Variants in DPP6 observed in about 807,000 individuals in gnomAD.
DPP6 encodes the protein A-type potassium channel modulatory protein DPP6.
DPP6 carries 69 observed loss-of-function variants against 122.6 expected under a neutral mutation model. That is an observed-to-expected ratio of 0.56 (90% CI 0.46 to 0.69). The LOEUF (loss-of-function observed/expected upper bound fraction) is 0.69. Among genes scored for constraint, DPP6 ranks in the 30% least tolerant of loss-of-function variants. The probability of loss-of-function intolerance (pLI) is 0.00; values close to 1 mark genes in which losing one functional copy is unlikely to be tolerated. For missense variants in DPP6, 928 were observed against 1,116.9 expected (o/e 0.83, Z 2.41); for synonymous variants, 418 against 433.1 (o/e 0.97, Z 0.43).
At chr7:154,293,912 C>T (rs140173064) in intron 1 of DPP6, among the ~76,000 whole-genome samples, 181 of 152,236 alleles carry the variant, frequency 1.2e-3, no homozygotes, top group African/African-American at 4.2e-3. Flanking sequence ...GTGTGCTAAG[C>T]GCACACAGGA....
chr7:154,377,384 A>G (rs150096781), intron 1 of DPP6, among the ~76,000 whole-genome samples: 235 of 152,314 alleles, frequency 1.5e-3, no homozygotes, highest in African/African-American at 5.5e-3. Context: ...AGGCAGGACC[A>G]GTATCGTACC....
intron 1 of DPP6, among the ~76,000 whole-genome samples, chr7:154,111,807 C>G (rs1459597361): frequency 6.6e-6 from 1 of 152,098 alleles, no homozygotes; most frequent in Non-Finnish European, 1.5e-5. Flanking sequence ...ATGACTAACT[C>G]TTAGATTGGA....
intron 1 of DPP6, among the ~76,000 whole-genome samples, chr7:154,279,668 G>A (rs1050851675): frequency 3.3e-5 from 5 of 152,216 alleles, no homozygotes; most frequent in African/African-American, 1.2e-4. Context: ...GGAAAAGGGT[G>A]TTGATGTGTC....
intron 1 of DPP6, among the ~76,000 whole-genome samples, chr7:154,157,120 G>A (rs1484458730): frequency 6.6e-6 from 1 of 152,260 alleles, no homozygotes; most frequent in African/African-American, 2.4e-5. Context: ...TGGTTATTCT[G>A]AACATTTCTA....
chr7:153,777,193 T>C, the DPP6 span, among the ~76,000 whole-genome samples: 11 of 152,212 alleles, frequency 7.2e-5, no homozygotes, highest in African/African-American at 2.7e-4. Context: ...AATACCACTC[T>C]ATGAGTATTA....
intron 1 of DPP6, among the ~76,000 whole-genome samples, chr7:154,445,501 C>A (rs1342528034): frequency 6.6e-6 from 1 of 152,114 alleles, no homozygotes; most frequent in African/African-American, 2.4e-5. Context: ...GTCTTTAGCA[C>A]CCTTTAGCAG....
intron 1 of DPP6, among the ~76,000 whole-genome samples, chr7:154,226,803 G>A (rs943184029): frequency 6.6e-6 from 1 of 152,192 alleles, no homozygotes; most frequent in Non-Finnish European, 1.5e-5. Context: ...GTCAGAGAAA[G>A]ATGGGGCTTA....
At chr7:154,672,726 C>T (rs1838643118) in intron 7 of DPP6, among the ~76,000 whole-genome samples, 1 of 152,298 alleles carries the variant, frequency 6.6e-6, no homozygotes, top group Non-Finnish European at 1.5e-5. Flanking sequence ...ATGTACTGAG[C>T]TTAAGACGCA....
At chr7:154,564,042 C>G (rs556656058) in intron 4 of DPP6, among the ~76,000 whole-genome samples, 1 of 152,020 alleles carries the variant, frequency 6.6e-6, no homozygotes, top group Non-Finnish European at 1.5e-5. Context: ...AAAGAACCAG[C>G]GAGGGAGGTA....
intron 7 of DPP6, among the ~76,000 whole-genome samples, chr7:154,680,351 C>T (rs1364835458): frequency 6.6e-6 from 1 of 152,178 alleles, no homozygotes; most frequent in African/African-American, 2.4e-5. Context: ...GCTATATCAA[C>T]AAACACATTC....
At chr7:154,884,620 C>CTCACACTCACGT (rs1554496256) in intron 21 of DPP6, 1 of 151,236 alleles carries the variant, frequency 6.6e-6, no homozygotes, top group African/African-American at 2.4e-5. Context: ...CATACACATG[C>CTCACACTCACGT]TCACACAGGC....
intron 25 of DPP6, among the ~76,000 whole-genome samples, 200 bp from the exon 26 acceptor site, chr7:154,892,134 C>G (rs1806664480): frequency 1.3e-5 from 2 of 152,176 alleles, no homozygotes; most frequent in Admixed American, 6.5e-5. Flanking sequence ...AGGCGCCCCT[C>G]TGACTGGGAC....
chr7:154,668,294 C>G (rs1359330923), intron 6 of DPP6, among the ~76,000 whole-genome samples: 1 of 145,672 alleles, frequency 6.9e-6, no homozygotes, highest in East Asian at 2.0e-4. Context: ...GATCTCCGCT[C>G]ACTGCAAGCT....
the DPP6 span, among the ~76,000 whole-genome samples, chr7:153,841,906 A>G: frequency 2.6e-5 from 4 of 152,216 alleles, no homozygotes; most frequent in South Asian, 2.1e-4. Flanking sequence ...GAAATTTCCT[A>G]ATACAAAATA....
Position 154,486,354 on chromosome 7 carries a change from G to A in DPP6, c.457+11317G>A, listed in dbSNP as rs1005493191. 1.3e-5 allele frequency among the ~76,000 whole-genome samples: 2 copies of A among 152,000 alleles called. No individual in the cohort carries two copies. The highest frequency in any genetic ancestry group is 4.8e-5 in the African/African-American group (2 of 41,362). ...GCACCATGTTGGTCAGGCTGGTCTCGAACTACTGACCTCGTGATCTGCCTA... is the reference window on the plus strand; with the variant it reads ...GCACCATGTTGGTCAGGCTGGTCTCAAACTACTGACCTCGTGATCTGCCTA... On this transcript the variant is annotated intron_variant, in intron 3 of 25. Coordinates refer to ENST00000377770, the MANE Select transcript of DPP6 (RefSeq NM_130797.4). The surrounding 1 kb of genome is among the most constrained non-coding windows in gnomAD (Gnocchi z 4.5).
chr7:154,559,058 T>C (rs1251540173), intron 4 of DPP6, among the ~76,000 whole-genome samples: 2 of 151,960 alleles, frequency 1.3e-5, no homozygotes, highest in African/African-American at 4.8e-5. Flanking sequence ...TATCAGTTGA[T>C]AGAAACAGAA....
chr7:154,232,330 A>G (rs1346591979), intron 1 of DPP6, among the ~76,000 whole-genome samples: 1 of 152,192 alleles, frequency 6.6e-6, no homozygotes, highest in Non-Finnish European at 1.5e-5. Flanking sequence ...CTCTGCAGGT[A>G]GGCACATTTG....
intron 1 of DPP6, among the ~76,000 whole-genome samples, chr7:153,943,787 G>A (rs763532483): frequency 2.0e-5 from 3 of 152,192 alleles, no homozygotes; most frequent in Non-Finnish European, 2.9e-5. Context: ...CCCTAAGCTA[G>A]CAGTGTTTAA....
intron 8 of DPP6, among the ~76,000 whole-genome samples, chr7:154,759,397 G>A (rs1795379180): frequency 6.6e-6 from 1 of 152,222 alleles, no homozygotes; most frequent in South Asian, 2.1e-4. Flanking sequence ...CAAGAGCACG[G>A]GGACGTTCTC....
Sources: allele counts gnomAD v4.1 joint callset (sites outside exome capture counted in the v4.1 genomes callset), GRCh38; gene constraint gnomAD v4.1.1; non-coding constraint Gnocchi (gnomAD v3.1); transcripts MANE v1.5; gene names NCBI Gene and HGNC (gene_info 2026-07-23, HGNC 2026-07-21).